LDLRAD4: variants seen among roughly 807,000 people sequenced by gnomAD.
The protein encoded by LDLRAD4 is low-density lipoprotein receptor class A domain-containing protein 4.
LDLRAD4 carries 5 observed loss-of-function variants against 17.0 expected under a neutral mutation model. That is an observed-to-expected ratio of 0.29 (90% CI 0.15 to 0.62). The LOEUF is 0.62. Among genes scored for constraint, LDLRAD4 ranks in the 20% least tolerant of loss-of-function variants. The pLI, the probability that LDLRAD4 is intolerant of heterozygous loss-of-function variation, is 0.84. For synonymous variants in LDLRAD4, 168 were observed against 171.8 expected, an observed-to-expected ratio of 0.98 and a Z score of 0.17; for missense variants, 340 against 424.7, an observed-to-expected ratio of 0.80 and a Z score of 1.75.
rs2040611249 is a variant in LDLRAD4, at chr18:13,621,345, GC to G, written c.336+76del. ...CTTAGGAGCCCATCAGGGTTCAGAG[GC>G]CGGGAGTGCTTTCAGTTGACATGTA... On this transcript the variant is annotated intron_variant, in intron 4 of 5. Coordinates refer to ENST00000359446, the Ensembl canonical transcript of LDLRAD4. This position sits in a 1 kb window ranked among gnomAD's most constrained non-coding sequence, Gnocchi z 5.5. The G allele has an allele frequency of 8.4e-7, 1 of 1,196,692 alleles. No homozygotes were observed. The highest frequency in any genetic ancestry group is 1.2e-6 in the Non-Finnish European group (1 of 820,818). 74.1% of individuals were successfully genotyped at this position (1,196,692 alleles called of 1,614,324 possible).
At chr18:13,363,796 A>G (rs2083862218) in intron 1 of LDLRAD4, among the ~76,000 whole-genome samples, 1 of 152,242 alleles carries the variant, frequency 6.6e-6, no homozygotes, top group Admixed American at 6.5e-5. Flanking sequence ...AATCAGTCTC[A>G]TTTTTAAAGA....
intron 3 of LDLRAD4, among the ~76,000 whole-genome samples, chr18:13,618,729 A>G (rs1368785037): frequency 1.3e-5 from 2 of 152,276 alleles, no homozygotes; most frequent in African/African-American, 2.4e-5. Flanking sequence ...ACCACAAAAT[A>G]AAAACAAGCA....
At chr18:13,438,916 G>C (rs1373554969) in intron 3 of LDLRAD4, among the ~76,000 whole-genome samples, 1 of 152,224 alleles carries the variant, frequency 6.6e-6, no homozygotes, top group Non-Finnish European at 1.5e-5. Flanking sequence ...AGTGGAGTCA[G>C]AGTTTGAAGT....
chr18:13,530,099 AGTCAAAAGAATTAAAT>A (rs1167760179), intron 3 of LDLRAD4, among the ~76,000 whole-genome samples: 1 of 152,202 alleles, frequency 6.6e-6, no homozygotes, highest in Non-Finnish European at 1.5e-5. Flanking sequence ...TTCACATTTG[AGTCAAAAGAATTAAAT>A]TTGCCCCCTA....
At chr18:13,438,464 G>A (rs1385921876) in intron 3 of LDLRAD4, 80 bp downstream of exon 4, 1 of 1,129,702 alleles carries the variant, frequency 8.9e-7, no homozygotes, top group African/African-American at 1.5e-5. Flanking sequence ...TGGGACATGG[G>A]AAGGAGGTTG....
At chr18:13,408,732 A>G (rs779187918) in intron 2 of LDLRAD4, among the ~76,000 whole-genome samples, 7 of 151,712 alleles carry the variant, frequency 4.6e-5, no homozygotes, top group Non-Finnish European at 7.4e-5. Context: ...CAGCCTCCCA[A>G]AGTGCTGGGA....
chr18:13,438,271 A>G (rs773138501), exon 3 of LDLRAD4: 1 of 1,614,048 alleles, frequency 6.2e-7, no homozygotes, highest in Non-Finnish European at 8.5e-7. Context: ...ACCAGTGGTA[A>G]ATGCTTGTAT....
chr18:13,538,530 A>T (rs1298549), intron 3 of LDLRAD4, among the ~76,000 whole-genome samples: 122,589 of 144,442 alleles, frequency 0.85, 50,418 homozygotes, highest in Non-Finnish European at 0.88. Context: ...GATGTCTATG[A>T]TTTTTTTTTT....
At chr18:13,334,100 C>T (rs537856010) in intron 1 of LDLRAD4, among the ~76,000 whole-genome samples, 90 of 152,178 alleles carry the variant, frequency 5.9e-4, no homozygotes, top group African/African-American at 2.1e-3. Flanking sequence ...ATAGTTTTCT[C>T]CATATAGATG....
At chr18:13,464,785 A>G (rs1027794074) in intron 3 of LDLRAD4, among the ~76,000 whole-genome samples, 1 of 42,130 alleles carries the variant, frequency 2.4e-5, no homozygotes, top group Admixed American at 2.7e-4. Context: ...TTCAGCCCCC[A>G]CCCCCACCCC....
chr18:13,517,507 G>A (rs961860346), intron 3 of LDLRAD4, among the ~76,000 whole-genome samples: 3 of 152,186 alleles, frequency 2.0e-5, no homozygotes, highest in African/African-American at 7.2e-5. Context: ...ATGTCTGAAT[G>A]TCTCTGGTGG....
intron 3 of LDLRAD4, among the ~76,000 whole-genome samples, chr18:13,459,638 C>G (rs112287977): frequency 0.014 from 2,063 of 152,288 alleles, 54 homozygotes; most frequent in African/African-American, 0.047. Context: ...CCACCTCAGC[C>G]TCCCAAAGTG....
rs534733606 is a variant in LDLRAD4, at chr18:13,248,257, G to C, written c.-467+29269G>C. Among the ~76,000 whole-genome samples the C allele has an allele frequency of 2.7e-3, 417 of 152,340 alleles. 5 individuals are homozygous for C. Among genetic ancestry groups the C allele is most frequent in the Non-Finnish European group, 2.4e-3 (163 of 68,038 alleles). On this transcript the variant is annotated intron_variant, in intron 1 of 5. Transcript: ENST00000399848. ...ACTACAGGCGCGAGCCACCGCGCCC[G>C]GCCATAGCCCCACTTTTTTGAGCTG...
intron 4 of LDLRAD4, chr18:13,641,810 G>A: frequency 2.0e-6 from 2 of 985,724 alleles, no homozygotes; most frequent in Middle Eastern, 1.0e-3. Context: ...TGGGCACTTG[G>A]CCGGGTTTGC....
chr18:13,371,206 C>T (rs905420377), intron 1 of LDLRAD4, among the ~76,000 whole-genome samples: 2 of 152,172 alleles, frequency 1.3e-5, no homozygotes, highest in African/African-American at 2.4e-5. Flanking sequence ...GCTCCTCTCA[C>T]ACCCAGGCTC....
intron 3 of LDLRAD4, among the ~76,000 whole-genome samples, chr18:13,563,639 C>T (rs753564815): frequency 3.3e-5 from 5 of 152,162 alleles, no homozygotes; most frequent in African/African-American, 7.2e-5. Flanking sequence ...GACATTAATG[C>T]GTCAGCAGGA....
intron 1 of LDLRAD4, among the ~76,000 whole-genome samples, chr18:13,247,430 T>C (rs551163594): frequency 5.3e-5 from 8 of 152,272 alleles, no homozygotes; most frequent in African/African-American, 1.9e-4. Context: ...TACCAACTAA[T>C]GTCCTTCTTC....
intron 1 of LDLRAD4, among the ~76,000 whole-genome samples, chr18:13,229,220 G>A (rs372269664): frequency 1.3e-5 from 2 of 152,192 alleles, no homozygotes; most frequent in Admixed American, 6.5e-5. Flanking sequence ...CCTCCTGAGG[G>A]CTTGCCATGG....
intron 1 of LDLRAD4, among the ~76,000 whole-genome samples, chr18:13,253,610 C>T (rs1482093912): frequency 6.6e-6 from 1 of 151,872 alleles, no homozygotes; most frequent in South Asian, 2.1e-4. Context: ...TGTTACCCTT[C>T]GAGTTCTGCA....
Sources: gnomAD v4.1 joint callset for allele counts (sites outside exome capture counted in the v4.1 genomes callset) on GRCh38, gnomAD v4.1.1 for gene constraint, Gnocchi (gnomAD v3.1) non-coding constraint, MANE v1.5 for transcripts, NCBI Gene and HGNC (gene_info 2026-07-23, HGNC 2026-07-21) for gene names.